CPAMD8: variants seen among roughly 807,000 people sequenced by gnomAD.
CPAMD8 encodes the protein C3 and PZP-like alpha-2-macroglobulin domain-containing protein 8.
In CPAMD8, 146 loss-of-function variants were observed where a neutral mutation model predicts 224.7. That is an observed-to-expected ratio of 0.65 (90% CI 0.57 to 0.75). The LOEUF is 0.75. CPAMD8 is among the 30% of genes least tolerant of loss of function. CPAMD8 has a pLI of 0.00. For missense variants in CPAMD8, 2,301 were observed against 2,537.5 expected, an observed-to-expected ratio of 0.91 and a Z score of 2.00; for synonymous variants, 966 against 1,044.6, an observed-to-expected ratio of 0.92 and a Z score of 1.45.
At chr19:16,957,639 T>C (rs182530032) in intron 19 of CPAMD8, 2 of 595,286 alleles carry the variant, frequency 3.4e-6, no homozygotes, top group South Asian at 2.0e-5. Flanking sequence ...CACAAAGCCC[T>C]TGCATTTCAT....
chr19:16,904,169 T>A lies in CPAMD8; in HGVS notation c.4251+57A>T, dbSNP rs2052374397. ...CCACCTCAGAGCTCAAAACAAGGAC[T>A]GCAGGGACCCCACCCACCCAGCCCT... On this transcript the variant is annotated intron_variant, in intron 32 of 41. Transcript: ENST00000443236. 2.8e-6 allele frequency: 4 copies of A among 1,441,942 alleles called. No individual in the cohort carries two copies. In the South Asian group the frequency reaches 3.7e-5, roughly 13 times the overall value. The allele number at this position is 1,441,942 out of a possible 1,614,324, so 89.3% of individuals were successfully genotyped here.
chr19:16,929,481 GA>G (rs2053482471), intron 23 of CPAMD8, among the ~76,000 whole-genome samples: 1 of 152,210 alleles, frequency 6.6e-6, no homozygotes, highest in African/African-American at 2.4e-5. Flanking sequence ...GAGGCAGGAA[GA>G]CTACTTGAGG....
intron 30 of CPAMD8, among the ~76,000 whole-genome samples, chr19:16,906,427 C>A (rs2052519859): frequency 7.5e-6 from 1 of 132,466 alleles, no homozygotes; most frequent in South Asian, 2.4e-4. Context: ...TCCTTCCTTC[C>A]TTCCTTCCTT....
chr19:16,910,811 G>C (rs2052698647), intron 29 of CPAMD8: 1 of 152,370 alleles, frequency 6.6e-6, no homozygotes, highest in Non-Finnish European at 1.5e-5. Context: ...GAGACGAGAA[G>C]GGGAGAAGAC....
intron 19 of CPAMD8, among the ~76,000 whole-genome samples, chr19:16,954,886 T>C (rs1470549366): frequency 6.6e-6 from 1 of 152,176 alleles, no homozygotes; most frequent in Non-Finnish European, 1.5e-5. Flanking sequence ...CCCAGCACTT[T>C]GGGAGGCCGA....
chr19:16,932,633 T>C (rs2053578337), intron 23 of CPAMD8, among the ~76,000 whole-genome samples: 1 of 151,810 alleles, frequency 6.6e-6, no homozygotes, highest in Non-Finnish European at 1.5e-5. Flanking sequence ...ACAGATCTTT[T>C]AAAATAACCC....
chr19:16,925,318 A>G lies in CPAMD8; in HGVS notation c.3425T>C (p.Phe1142Ser). ...GATCATGTTCTGCTCTCCACAGCCAAACGGCAGCCGCAGGAGGTTGTTGAG... is the reference window on the plus strand; with the variant it reads ...GATCATGTTCTGCTCTCCACAGCCAGACGGCAGCCGCAGGAGGTTGTTGAG... ...NHLNNLLRLP[F>S]GCGEQNMIHF... Residue 1142 changes from phenylalanine (F) to serine (S), a missense_variant, in exon 26 of 42, where the codon TTT becomes TCT. Transcript: ENST00000443236. The G allele has an allele frequency of 1.9e-6, 3 of 1,614,190 alleles. No homozygotes were observed. In the South Asian group the frequency reaches 3.3e-5, roughly 18 times the overall value.
In CPAMD8 at chr19:16,896,536, G is replaced by T; in HGVS notation, c.5195C>A (p.Ala1732Asp). 2.7e-6 allele frequency: 4 copies of T among 1,491,370 alleles called. No individual in the cohort carries two copies. The highest frequency in any genetic ancestry group is 3.5e-6 in the Non-Finnish European group (4 of 1,127,636). 92.4% of individuals were successfully genotyped at this position (1,491,370 alleles called of 1,614,324 possible). Residue 1732 changes from alanine (A) to aspartate (D), a missense_variant, in exon 40 of 42, where the codon GCC (alanine) becomes GAC (aspartate). Ala to Asp is a moderately radical substitution (Grantham distance 126, BLOSUM62 -2). Transcript: ENST00000443236. ...PVCGSDGVVY[A>D]SACRLREAAC... ...GGCCTCCCGCAGGCGGCAGGCGCTG[G>T]CGTAGACCACCCCGTCGGAGCCGCA...
chr19:16,908,200 A>T (rs911757458), intron 29 of CPAMD8, among the ~76,000 whole-genome samples: 2 of 152,066 alleles, frequency 1.3e-5, no homozygotes, highest in African/African-American at 2.4e-5. Flanking sequence ...CTCTATTAAA[A>T]ATACAAAAAT....
At position 16,897,740 on chromosome 19, in the gene CPAMD8, G is replaced by T. The variant is rs1357903866; in HGVS notation, c.5016C>A (p.Cys1672Ter). The change falls in exon 39 of 42, where the codon TGC becomes TGA. Residue 1672 changes from cysteine to a stop codon, truncating the protein, a stop_gained. Coordinates refer to ENST00000443236, the MANE Select transcript of CPAMD8 (RefSeq NM_015692.5). LOFTEE classifies it high-confidence loss of function. ...CCACTTCGTTGCACGCGGGTCCGGC[G>T]CACAGTTCCCGGGCGAGTGGGCTGT... ...STHSPLAREL[C>*]AGPACNEVER... 1 of 1,575,534 alleles carries T rather than the reference G, an allele frequency of 6.3e-7. No individual in the cohort carries two copies. Among genetic ancestry groups the T allele is most frequent in the Non-Finnish European group, 8.6e-7 (1 of 1,163,502 alleles).
chr19:16,928,360 T>C (rs550079729), intron 24 of CPAMD8, 126 bp from the exon 25 acceptor site: 2 of 687,340 alleles, frequency 2.9e-6, no homozygotes, highest in South Asian at 3.7e-5. Flanking sequence ...CAAGGAAGGG[T>C]CTTCGGGGAG....
At chr19:17,008,746 G>C (rs1460952666) in intron 6 of CPAMD8, 187 bp from the exon 7 acceptor site, 5 of 711,366 alleles carry the variant, frequency 7.0e-6, no homozygotes, top group Non-Finnish European at 1.2e-5. Flanking sequence ...AAAGCAGAAG[G>C]GGATGGGCTG....
At chr19:16,961,189 A>T (rs2054640879) in intron 18 of CPAMD8, among the ~76,000 whole-genome samples, 1 of 152,164 alleles carries the variant, frequency 6.6e-6, no homozygotes, top group Admixed American at 6.5e-5. Flanking sequence ...CCCATGAAGG[A>T]TGAGCCGCAG....
rs147662431 is a variant in CPAMD8 at position 16,932,226 on chromosome 19, C to T, written c.2846-2986G>A. ...GGTGAGGCCAGGCATTCAAGACCAG[C>T]CTGGGCAACATGGCGAAACCCCATC... On this transcript the variant is annotated intron_variant, in intron 23 of 41. Transcript: ENST00000443236. 1.1e-4 allele frequency among the ~76,000 whole-genome samples: 17 copies of T among 152,250 alleles called. No homozygotes were observed. The East Asian group carries it at 3.1e-3, about 28-fold the overall frequency.
chr19:16,933,545 A>G (rs2053603718), intron 23 of CPAMD8, among the ~76,000 whole-genome samples: 1 of 151,066 alleles, frequency 6.6e-6, no homozygotes, highest in East Asian at 1.9e-4. Flanking sequence ...GTTTTTCCAC[A>G]AAAAAAAAGA....
At chr19:16,918,729 C>A (rs1224582825) in intron 27 of CPAMD8, among the ~76,000 whole-genome samples, 1 of 148,154 alleles carries the variant, frequency 6.7e-6, no homozygotes, top group Non-Finnish European at 1.5e-5. Flanking sequence ...ATGACAGGCA[C>A]GTGCCATCAC....
intron 13 of CPAMD8, among the ~76,000 whole-genome samples, chr19:16,981,940 A>G (rs977413199): frequency 6.6e-6 from 1 of 152,228 alleles, no homozygotes; most frequent in African/African-American, 2.4e-5. Flanking sequence ...ACATCACACA[A>G]TGCACACTGT....
At chr19:16,924,237 G>A (rs1450254573) in intron 26 of CPAMD8, among the ~76,000 whole-genome samples, 1 of 151,336 alleles carries the variant, frequency 6.6e-6, no homozygotes, top group Non-Finnish European at 1.5e-5. Context: ...GGCAGTTTTA[G>A]GAAATGAACA....
intron 23 of CPAMD8, 92 bp from the exon 24 acceptor site, chr19:16,929,332 A>G (rs1464017251): frequency 1.9e-6 from 2 of 1,032,036 alleles, no homozygotes; most frequent in Non-Finnish European, 2.9e-6. Context: ...CCAGGACCAC[A>G]AGGAGTGGGT....
Sources: gnomAD v4.1 joint callset for allele counts (sites outside exome capture counted in the v4.1 genomes callset) on GRCh38, gnomAD v4.1.1 for gene constraint, MANE v1.5 for transcripts, NCBI Gene and HGNC (gene_info 2026-07-23, HGNC 2026-07-21) for gene names.